The following SPECC1 variants were observed in gnomAD, a reference collection of about 807,000 sequenced individuals.
The protein encoded by SPECC1 is sperm antigen with calponin homology and coiled-coil domains 1, also known as cytospin-B.
Under a neutral mutation model 104.1 loss-of-function variants are expected in SPECC1, and 62 were observed. The observed-to-expected ratio is 0.60, with a 90% CI of 0.49 to 0.74. The LOEUF (loss-of-function observed/expected upper bound fraction) is 0.74. Ranked by LOEUF, SPECC1 falls within the 30% of genes least tolerant of loss-of-function variation. The pLI is 0.00. For synonymous variants in SPECC1, 513 were observed against 501.6 expected (o/e 1.02, Z -0.30); for missense variants, 1,306 against 1,310.5 (o/e 1.00, Z 0.05).
intron 1 of SPECC1, among the ~76,000 whole-genome samples, chr17:20,036,398 G>T (rs188409989): frequency 1.3e-5 from 2 of 152,236 alleles, no homozygotes; most frequent in Admixed American, 6.5e-5. Flanking sequence ...CTAAAATGCT[G>T]GGATTACAGG....
chr17:20,315,435 G>C lies in SPECC1; in HGVS notation c.*1370G>C, dbSNP rs766896263. The C allele has an allele frequency of 4.3e-6, 1 of 232,660 alleles. No individual in the cohort carries two copies. Among genetic ancestry groups the C allele is most frequent in the African/African-American group, 2.2e-5 (1 of 45,298 alleles). The allele number at this position is 232,660 out of a possible 1,614,324, so 14.4% of individuals were successfully genotyped here. A position where few individuals can be genotyped will look rare whatever the true frequency, so the allele number is the denominator to read the frequency against. On this transcript the variant is annotated 3_prime_UTR_variant, in exon 15 of 15. Transcript: ENST00000395527. ...GTGGCTCTGCCGTGTTCTTCTGGGC[G>C]GATCTGTGTGCACTACACAGCGAGT... is the stretch of plus-strand genomic sequence containing the variant.
At chr17:20,181,980 C>G (rs1436458093) in intron 3 of SPECC1, among the ~76,000 whole-genome samples, 1 of 152,040 alleles carries the variant, frequency 6.6e-6, no homozygotes, top group Non-Finnish European at 1.5e-5. Context: ...CAGAATTTTT[C>G]ATTAGGAAAA....
chr17:20,051,066 CTT>C (rs368120931), intron 1 of SPECC1, among the ~76,000 whole-genome samples: 3,769 of 119,286 alleles, frequency 0.032, 161 homozygotes, highest in African/African-American at 0.076. Context: ...TTCTTTCTTT[CTT>C]TTTCTTTCTT....
chr17:20,190,861 C>G (rs1272672096), intron 3 of SPECC1, among the ~76,000 whole-genome samples: 2 of 152,028 alleles, frequency 1.3e-5, no homozygotes, highest in African/African-American at 4.8e-5. Context: ...GTGCCTGGCT[C>G]TACTTATTCA....
chr17:20,129,597 T>C (rs2049501612), intron 3 of SPECC1, among the ~76,000 whole-genome samples: 1 of 152,222 alleles, frequency 6.6e-6, no homozygotes, highest in Non-Finnish European at 1.5e-5. Context: ...GTCTCTCTTT[T>C]ATCTTTTCAA....
intron 12 of SPECC1, among the ~76,000 whole-genome samples, chr17:20,262,029 G>A (rs896139723): frequency 3.3e-5 from 5 of 152,088 alleles, no homozygotes. Flanking sequence ...AGTATTGCTT[G>A]CATTTGAATT....
intron 1 of SPECC1, among the ~76,000 whole-genome samples, chr17:20,082,917 T>TA (rs1304802371): frequency 2.0e-5 from 3 of 152,144 alleles, no homozygotes; most frequent in Admixed American, 6.5e-5. Flanking sequence ...CATAGCCTGT[T>TA]AGTGGGCTTC....
At chr17:20,146,676 G>A (rs2152564063) in intron 3 of SPECC1, among the ~76,000 whole-genome samples, 1 of 152,276 alleles carries the variant, frequency 6.6e-6, no homozygotes, top group South Asian at 2.1e-4. Context: ...GGAGGCTGAG[G>A]CGGGTGGAAC....
chr17:20,119,122 T>G (rs576097513), intron 3 of SPECC1, among the ~76,000 whole-genome samples: 1 of 152,388 alleles, frequency 6.6e-6, no homozygotes, highest in African/African-American at 2.4e-5. Context: ...AAGTGACAGT[T>G]ATTATTCTCC....
At chr17:20,148,533 A>C (rs1438309654) in intron 3 of SPECC1, among the ~76,000 whole-genome samples, 6 of 129,034 alleles carry the variant, frequency 4.6e-5, no homozygotes, top group African/African-American at 1.5e-4. Flanking sequence ...AAAGCAGTAC[A>C]TGTGCACTAG....
intron 12 of SPECC1, among the ~76,000 whole-genome samples, chr17:20,295,176 C>T (rs1163099779): frequency 8.4e-6 from 1 of 118,930 alleles, no homozygotes; most frequent in Non-Finnish European, 1.7e-5. Context: ...CCCCCTCCCC[C>T]CACCCCATGA....
chr17:20,151,108 A>C (rs1467235409), intron 3 of SPECC1, among the ~76,000 whole-genome samples: 2 of 152,250 alleles, frequency 1.3e-5, no homozygotes, highest in Non-Finnish European at 2.9e-5. Context: ...ATACCTTTAC[A>C]TTTGAAATTA....
chr17:20,289,237 C>G (rs960115671), intron 12 of SPECC1, among the ~76,000 whole-genome samples: 68 of 152,278 alleles, frequency 4.5e-4, no homozygotes, highest in African/African-American at 1.6e-3. Context: ...GTTACCTCCC[C>G]CTGGGTCCCT....
intron 3 of SPECC1, among the ~76,000 whole-genome samples, chr17:20,191,896 C>G (rs1234832625): frequency 6.6e-6 from 1 of 152,050 alleles, no homozygotes; most frequent in Non-Finnish European, 1.5e-5. Context: ...GGTGAGTTGT[C>G]TATTCAGGTG....
intron 3 of SPECC1, among the ~76,000 whole-genome samples, chr17:20,171,318 T>G (rs1447890230): frequency 6.6e-6 from 1 of 152,202 alleles, no homozygotes; most frequent in Non-Finnish European, 1.5e-5. Context: ...CAGCCTGTGC[T>G]TTATGCTTTC....
At chr17:20,143,951 A>G (rs550352204) in intron 3 of SPECC1, among the ~76,000 whole-genome samples, 2 of 152,200 alleles carry the variant, frequency 1.3e-5, no homozygotes, top group African/African-American at 4.8e-5. Context: ...TCCTTCTGCC[A>G]TTAGTGGAGG....
chr17:20,308,064 T>C (rs567148033), intron 14 of SPECC1, among the ~76,000 whole-genome samples: 1 of 152,178 alleles, frequency 6.6e-6, no homozygotes, highest in East Asian at 1.9e-4. Context: ...TCATTAGGGA[T>C]TGGGAAAATC....
intron 3 of SPECC1, among the ~76,000 whole-genome samples, chr17:20,187,151 C>T (rs1449996121): frequency 6.6e-6 from 1 of 152,068 alleles, no homozygotes; most frequent in African/African-American, 2.4e-5. Context: ...GTCATGTCAG[C>T]ACTCAGAATG....
At chr17:20,234,753 G>A (rs1301772880) in intron 7 of SPECC1, among the ~76,000 whole-genome samples, 2 of 152,208 alleles carry the variant, frequency 1.3e-5, no homozygotes, top group Non-Finnish European at 1.5e-5. Context: ...CTCTGTTTGC[G>A]TCCGTGGGCA....
Sources: allele counts gnomAD v4.1 joint callset (sites outside exome capture counted in the v4.1 genomes callset), GRCh38; gene constraint gnomAD v4.1.1; transcripts MANE v1.5; gene names NCBI Gene and HGNC (gene_info 2026-07-23, HGNC 2026-07-21).